Variants in PANX1 observed in about 807,000 individuals in gnomAD.
PANX1 encodes pannexin 1.
In PANX1, 30 loss-of-function variants were observed where a neutral mutation model predicts 38.7. The ratio of observed to expected loss-of-function variants is 0.78; its 90% CI spans 0.58 to 1.05. The LOEUF (loss-of-function observed/expected upper bound fraction) is 1.05, where lower values mean the gene tolerates loss of function less well. Ranked by LOEUF, PANX1 falls within the 50% of genes least tolerant of loss-of-function variation. The pLI is 0.00. For missense variants in PANX1, 551 were observed against 517.2 expected, an observed-to-expected ratio of 1.07 and a Z score of -0.63; for synonymous variants, 230 against 212.2, an observed-to-expected ratio of 1.08 and a Z score of -0.73.
intron 2 of PANX1, among the ~76,000 whole-genome samples, chr11:94,156,748 T>C (rs1946953303): frequency 6.6e-6 from 1 of 152,002 alleles, no homozygotes; most frequent in Admixed American, 6.6e-5. Context: ...AATTATACTT[T>C]AAGTTTTAGG....
intron 1 of PANX1, among the ~76,000 whole-genome samples, chr11:94,149,943 T>G (rs756951259): frequency 3.9e-5 from 6 of 152,176 alleles, no homozygotes; most frequent in African/African-American, 7.2e-5. Context: ...TGTAAAACCT[T>G]GATGTAGTAC....
At position 94,164,696 on chromosome 11, in the gene PANX1, A is replaced by G. The variant is rs141599734; in HGVS notation, c.321+11066A>G. Among the ~76,000 whole-genome samples, 65 of 152,328 alleles carry G rather than the reference A, an allele frequency of 4.3e-4. 1 individual carries two copies. The highest frequency in any genetic ancestry group is 1.3e-3 in the African/African-American group (55 of 41,578). Reference sequence around the variant, plus strand: ...TGTTCTGTAAATGTCTGTTAGGTATATTTGGCCTACAGTGTAGCTTGAGCC... The same window carrying G: ...TGTTCTGTAAATGTCTGTTAGGTATGTTTGGCCTACAGTGTAGCTTGAGCC... On this transcript the variant is annotated intron_variant, in intron 2 of 4. Coordinates refer to ENST00000227638, the MANE Select transcript of PANX1 (RefSeq NM_015368.4).
In PANX1 at chr11:94,137,468, G is replaced by A. The variant is rs376775257; in HGVS notation, c.181+7975G>A. On this transcript the variant is annotated intron_variant, in intron 1 of 4. Coordinates refer to ENST00000227638, the MANE Select transcript of PANX1 (RefSeq NM_015368.4). ...TTGTCAAACCCCTAACTGAGGCAGC[G>A]AGAGCTTGGTCCAAAGTGGAGAAAG... Among the ~76,000 whole-genome samples the A allele has an allele frequency of 5.8e-4, 88 of 152,250 alleles. 2 individuals carry two copies. The highest frequency in any genetic ancestry group is 2.0e-3 in the African/African-American group (82 of 41,558).
At position 94,164,026 on chromosome 11, in the gene PANX1, T is replaced by C. The variant is rs12786212; in HGVS notation, c.321+10396T>C. 5.7e-3 allele frequency among the ~76,000 whole-genome samples: 861 copies of C among 152,268 alleles called. 3 individuals are homozygous for C. Among genetic ancestry groups the C allele is most frequent in the Admixed American group, 0.012 (189 of 15,302 alleles). Reference sequence around the variant, plus strand: ...TTGCAATTTATTGGCATATCGTTGCTCATAATAGTCTTTAGTGATCCTTTG... The same window carrying C: ...TTGCAATTTATTGGCATATCGTTGCCCATAATAGTCTTTAGTGATCCTTTG... On this transcript the variant is annotated intron_variant, in intron 2 of 4. Transcript: ENST00000227638.
rs911108179 is a variant in PANX1, at chr11:94,158,820, T to G, written c.321+5190T>G. Among the ~76,000 whole-genome samples, 5 of 152,208 alleles carry G rather than the reference T, an allele frequency of 3.3e-5. No homozygotes were observed. The South Asian group carries it at 8.3e-4, about 25-fold the overall frequency. ...AGTGGTGAGAGAGGGCATCCCTGTCTTGTGCCAGTTTTCAAAGGGAATGCT... is the reference window on the plus strand; with the variant it reads ...AGTGGTGAGAGAGGGCATCCCTGTCGTGTGCCAGTTTTCAAAGGGAATGCT... On this transcript the variant is annotated intron_variant, in intron 2 of 4. Transcript: ENST00000227638.
Position 94,178,578 on chromosome 11 carries a change from G to T in PANX1, c.531G>T (p.Glu177Asp). ...DGACSVPGVT[E>D]NLGQSLWEVS... ...CCTGCTCAGTTCCAGGTGTTACCGA[G>T]AACTTAGGGCAAAGGTAACTTAGCC... The change falls in exon 3 of 5, where the codon GAG becomes GAT. Residue 177 changes from glutamate (E) to aspartate (D), a missense_variant. Physicochemically the swap from Glu to Asp is conservative, Grantham distance 45 (BLOSUM62 2). Coordinates refer to ENST00000227638, the MANE Select transcript of PANX1 (RefSeq NM_015368.4). 6.2e-7 allele frequency: 1 copy of T among 1,613,726 alleles called. No homozygotes were observed. Among genetic ancestry groups the T allele is most frequent in the South Asian group, 1.1e-5 (1 of 91,046 alleles).
rs146286816 is a variant in PANX1, at chr11:94,175,334, G to T, written c.322-3035G>T. Reference sequence around the variant, plus strand: ...TGGCATTAAATGATGTTATTATAGTGGTGATCAAGGTACAAGGCTATTTTA... The same window carrying T: ...TGGCATTAAATGATGTTATTATAGTTGTGATCAAGGTACAAGGCTATTTTA... On this transcript the variant is annotated intron_variant, in intron 2 of 4. Coordinates refer to ENST00000227638, the MANE Select transcript of PANX1 (RefSeq NM_015368.4). Among the ~76,000 whole-genome samples, 39 of 151,748 alleles carry T rather than the reference G, an allele frequency of 2.6e-4. 3 individuals carry two copies. Among genetic ancestry groups the T allele is most frequent in the African/African-American group, 9.3e-4 (38 of 41,078 alleles).
intron 2 of PANX1, among the ~76,000 whole-genome samples, chr11:94,160,405 G>T (rs909243643): frequency 2.6e-5 from 4 of 152,066 alleles, no homozygotes; most frequent in African/African-American, 7.2e-5. Context: ...GAATCTGGGG[G>T]CTCCTGTATT....
chr11:94,150,833 C>T (rs570144966), intron 1 of PANX1, among the ~76,000 whole-genome samples: 5 of 152,128 alleles, frequency 3.3e-5, no homozygotes, highest in African/African-American at 4.8e-5. Flanking sequence ...AGGAAGCTGT[C>T]CCCTTCCTGG....
chr11:94,170,453 G>T (rs938904889), intron 2 of PANX1, among the ~76,000 whole-genome samples: 1 of 151,726 alleles, frequency 6.6e-6, no homozygotes, highest in Non-Finnish European at 1.5e-5. Flanking sequence ...TTGTTTATCC[G>T]TTCATCAGCG....
At chr11:94,141,015 A>G (rs1946755621) in intron 1 of PANX1, among the ~76,000 whole-genome samples, 2 of 152,122 alleles carry the variant, frequency 1.3e-5, no homozygotes, top group South Asian at 4.1e-4. Flanking sequence ...TAGCCCCCAA[A>G]ACTGCACTGC....
At chr11:94,174,701 T>A (rs1947211183) in intron 2 of PANX1, among the ~76,000 whole-genome samples, 1 of 151,524 alleles carries the variant, frequency 6.6e-6, no homozygotes, top group South Asian at 2.1e-4. Flanking sequence ...CCAGGAGATG[T>A]TTTTGAGTGA....
At chr11:94,155,093 G>A (rs1377672561) in intron 2 of PANX1, among the ~76,000 whole-genome samples, 1 of 151,610 alleles carries the variant, frequency 6.6e-6, no homozygotes, top group South Asian at 2.1e-4. Flanking sequence ...GCTCATGCCT[G>A]TAATCCCAGC....
At chr11:94,166,894 A>G (rs985017725) in intron 2 of PANX1, among the ~76,000 whole-genome samples, 1 of 152,182 alleles carries the variant, frequency 6.6e-6, no homozygotes, top group Non-Finnish European at 1.5e-5. Flanking sequence ...TCACATCCCA[A>G]GCCCACTGCT....
rs556216201 is a variant in PANX1, at chr11:94,159,873, A to G, written c.321+6243A>G. ...TTCTCTTGTGGGCATTTAGTGCTCT[A>G]AATTTCCCTCTATACACTGCTTTGA... On this transcript the variant is annotated intron_variant, in intron 2 of 4. Transcript: ENST00000227638. Among the ~76,000 whole-genome samples, 144 of 151,886 alleles carry G rather than the reference A, an allele frequency of 9.5e-4. 1 individual carries two copies. Among genetic ancestry groups the G allele is most frequent in the Admixed American group, 1.9e-3 (29 of 15,254 alleles).
At position 94,173,601 on chromosome 11, in the gene PANX1, C is replaced by T. The variant is rs1484180678; in HGVS notation, c.322-4768C>T. ...ATCCTCAGTTCTTCTCCTTTTCCGT[C>T]CCCCTCTTCTGTGTGGACACTGAAG... On this transcript the variant is annotated intron_variant, in intron 2 of 4. Coordinates refer to ENST00000227638, the MANE Select transcript of PANX1 (RefSeq NM_015368.4). Among the ~76,000 whole-genome samples, 5 of 151,552 alleles carry T rather than the reference C, an allele frequency of 3.3e-5. 1 individual carries two copies. The highest frequency in any genetic ancestry group is 9.8e-5 in the African/African-American group (4 of 40,900).
intron 1 of PANX1, among the ~76,000 whole-genome samples, chr11:94,142,228 A>G (rs1013244634): frequency 1.3e-5 from 2 of 152,006 alleles, no homozygotes; most frequent in Non-Finnish European, 2.9e-5. Flanking sequence ...CCTGCTGGGG[A>G]GGGTGCCTAG....
At chr11:94,147,813 G>A (rs971689905) in intron 1 of PANX1, among the ~76,000 whole-genome samples, 3 of 152,180 alleles carry the variant, frequency 2.0e-5, no homozygotes, top group Admixed American at 6.5e-5. Flanking sequence ...TCTTGACAGT[G>A]CCGTGTCTGA....
intron 1 of PANX1, among the ~76,000 whole-genome samples, chr11:94,139,039 A>T (rs781383432): frequency 1.4e-4 from 22 of 152,138 alleles, no homozygotes; most frequent in Non-Finnish European, 3.1e-4. Context: ...ATTGTCATTT[A>T]TTGAGGAACC....
Sources: allele counts gnomAD v4.1 joint callset (sites outside exome capture counted in the v4.1 genomes callset), GRCh38; gene constraint gnomAD v4.1.1; transcripts MANE v1.5; gene names NCBI Gene and HGNC (gene_info 2026-07-23, HGNC 2026-07-21).